The following WNT2B variants were observed in gnomAD, a reference collection of about 807,000 sequenced individuals.
WNT2B encodes Wnt family member 2B.
A neutral mutation model predicts 40.5 loss-of-function variants in WNT2B; 19 were observed. That is an observed-to-expected ratio of 0.47 (90% CI 0.33 to 0.69). The LOEUF (loss-of-function observed/expected upper bound fraction) is 0.69. Ranked by LOEUF, WNT2B falls within the 30% of genes least tolerant of loss-of-function variation. WNT2B has a pLI of 0.02. For synonymous variants in WNT2B, 220 were observed against 211.9 expected, an observed-to-expected ratio of 1.04 and a Z score of -0.33; for missense variants, 467 against 556.4, an observed-to-expected ratio of 0.84 and a Z score of 1.62.
chr1:112,495,281 T>C (rs1206241362), intron 1 of WNT2B, among the ~76,000 whole-genome samples: 17 of 147,836 alleles, frequency 1.1e-4, no homozygotes, highest in Non-Finnish European at 2.5e-4. Flanking sequence ...ATGGTAGATA[T>C]AAATCCAGCT....
At chr1:112,511,645 CTCTA>C (rs769053081) in intron 1 of WNT2B, among the ~76,000 whole-genome samples, 5 of 152,212 alleles carry the variant, frequency 3.3e-5, no homozygotes, top group Non-Finnish European at 5.9e-5. Context: ...ACTGCCCTCC[CTCTA>C]TCTATCCTAA....
At chr1:112,492,076 G>GC (rs1651620397) in intron 1 of WNT2B, among the ~76,000 whole-genome samples, 1 of 151,890 alleles carries the variant, frequency 6.6e-6, no homozygotes, top group Non-Finnish European at 1.5e-5. Flanking sequence ...AAAAGAATAG[G>GC]AAAAGACATT....
chr1:112,497,934 C>T (rs549906742), intron 1 of WNT2B, among the ~76,000 whole-genome samples: 20 of 151,226 alleles, frequency 1.3e-4, no homozygotes, highest in East Asian at 3.9e-4. Flanking sequence ...TTTTAAGTTC[C>T]GGGATACATG....
intron 1 of WNT2B, among the ~76,000 whole-genome samples, chr1:112,489,252 TA>T (rs1557911673): frequency 6.9e-6 from 1 of 145,778 alleles, no homozygotes; most frequent in African/African-American, 2.5e-5. Flanking sequence ...CATGAGAGTG[TA>T]AAAAAAAGAA....
intron 1 of WNT2B, among the ~76,000 whole-genome samples, chr1:112,473,498 T>C (rs1397043699): frequency 2.6e-5 from 4 of 151,924 alleles, no homozygotes; most frequent in Admixed American, 1.3e-4. Context: ...GTGGAAGAAA[T>C]GATTATTAAA....
Position 112,517,104 on chromosome 1 carries a change from C to T in WNT2B, c.682-17C>T, listed in dbSNP as rs544134627. 1 of 1,604,184 alleles carries T rather than the reference C, an allele frequency of 6.2e-7. No individual in the cohort carries two copies. The highest frequency in any genetic ancestry group is 1.1e-5 in the South Asian group (1 of 90,496). ...TGACCAGCTACTTCTCCCTTAACTG[C>T]CTTCCCCCTCCCCCAGGCTGTGCGG... is the stretch of plus-strand genomic sequence containing the variant. On this transcript the variant is annotated splice_polypyrimidine_tract_variant and intron_variant, in intron 3 of 4. Coordinates refer to ENST00000369684, the MANE Select transcript of WNT2B (RefSeq NM_024494.3).
intron 1 of WNT2B, among the ~76,000 whole-genome samples, chr1:112,479,885 T>C (rs1269654472): frequency 6.6e-6 from 1 of 151,878 alleles, no homozygotes; most frequent in Non-Finnish European, 1.5e-5. Flanking sequence ...TAATTTTCTG[T>C]ATTTTTTTAG....
chr1:112,480,037 A>G (rs1192560182), intron 1 of WNT2B, among the ~76,000 whole-genome samples: 1 of 152,030 alleles, frequency 6.6e-6, no homozygotes, highest in Non-Finnish European at 1.5e-5. Context: ...TCAACTAAAA[A>G]TAAGTTACAA....
At chr1:112,489,467 G>A (rs901256660) in intron 1 of WNT2B, among the ~76,000 whole-genome samples, 3 of 152,104 alleles carry the variant, frequency 2.0e-5, no homozygotes, top group Non-Finnish European at 4.4e-5. Flanking sequence ...GGGAGGCTGA[G>A]GCAGGAGAAT....
intron 1 of WNT2B, among the ~76,000 whole-genome samples, chr1:112,479,573 T>TA (rs1021375448): frequency 2.0e-5 from 3 of 151,860 alleles, no homozygotes; most frequent in South Asian, 2.1e-4. Flanking sequence ...GACTCCATTT[T>TA]AAAAAAAATT....
chr1:112,500,946 T>G (rs1651931669), intron 1 of WNT2B, among the ~76,000 whole-genome samples: 1 of 152,230 alleles, frequency 6.6e-6, no homozygotes, highest in Admixed American at 6.5e-5. Flanking sequence ...ATATTATTAT[T>G]AATTAAAGTC....
chr1:112,488,877 A>G (rs1258199895), intron 1 of WNT2B, among the ~76,000 whole-genome samples: 1 of 151,770 alleles, frequency 6.6e-6, no homozygotes, highest in Non-Finnish European at 1.5e-5. Flanking sequence ...TTTTTTAGAG[A>G]CAGGATTTTC....
intron 1 of WNT2B, among the ~76,000 whole-genome samples, chr1:112,475,533 T>G (rs1557906659): frequency 6.6e-6 from 1 of 152,136 alleles, no homozygotes; most frequent in Non-Finnish European, 1.5e-5. Context: ...AGAAATAAAA[T>G]GTATGACAAT....
At position 112,530,094 on chromosome 1, in the gene WNT2B, T is replaced by C. The variant is rs1654123418; in HGVS notation, c.*9585T>C. 1 of 152,222 alleles carries C rather than the reference T, an allele frequency of 6.6e-6. No individual in the cohort carries two copies. The highest frequency in any genetic ancestry group is 6.5e-5 in the Admixed American group (1 of 15,284). The allele number at this position is 152,222 out of a possible 1,614,324, so 9.4% of individuals were successfully genotyped here. On this transcript the variant is annotated 3_prime_UTR_variant, in exon 5 of 5. Coordinates refer to ENST00000369684, the MANE Select transcript of WNT2B (RefSeq NM_024494.3). Reference sequence around the variant, plus strand: ...CAATTTCTGCTTATTCCAGTAGGTGTGACAAGCTCAGAGAAGTGAGCGACA... The same window carrying C: ...CAATTTCTGCTTATTCCAGTAGGTGCGACAAGCTCAGAGAAGTGAGCGACA...
At chr1:112,490,741 A>G (rs1250688453) in intron 1 of WNT2B, among the ~76,000 whole-genome samples, 2 of 152,092 alleles carry the variant, frequency 1.3e-5, no homozygotes, top group East Asian at 1.9e-4. Flanking sequence ...TGCCCACCTC[A>G]GCCTCCCAAA....
chr1:112,478,752 C>G (rs1311286652), intron 1 of WNT2B, among the ~76,000 whole-genome samples: 1 of 152,032 alleles, frequency 6.6e-6, no homozygotes, highest in African/African-American at 2.4e-5. Flanking sequence ...AAAACCTCAT[C>G]TCCACAAAAA....
At chr1:112,510,667 C>T (rs1430832777) in intron 1 of WNT2B, among the ~76,000 whole-genome samples, 1 of 152,034 alleles carries the variant, frequency 6.6e-6, no homozygotes, top group Non-Finnish European at 1.5e-5. Flanking sequence ...CCCCCACCCC[C>T]TGTTTTCCTG....
chr1:112,467,234 T>C (rs995000974), exon 1 of WNT2B: 1 of 376,896 alleles, frequency 2.7e-6, no homozygotes. Context: ...GATGGAAGTC[T>C]AGATCAGGAG....
chr1:112,505,212 G>A (rs1652073214), upstream of WNT2B, among the ~76,000 whole-genome samples: 1 of 152,298 alleles, frequency 6.6e-6, no homozygotes, highest in South Asian at 2.1e-4. Flanking sequence ...CAGGTAATCT[G>A]GCAGCTTTCA....
Sources: allele counts gnomAD v4.1 joint callset (sites outside exome capture counted in the v4.1 genomes callset), GRCh38; gene constraint gnomAD v4.1.1; transcripts MANE v1.5; gene names NCBI Gene and HGNC (gene_info 2026-07-23, HGNC 2026-07-21).